RPN2: variants seen among roughly 807,000 people sequenced by gnomAD.
The protein encoded by RPN2 is dolichyl-diphosphooligosaccharide--protein glycosyltransferase subunit 2.
Under a neutral mutation model 71.4 loss-of-function variants are expected in RPN2, and 29 were observed. The observed-to-expected ratio is 0.41, with a 90% CI of 0.30 to 0.55. The LOEUF (loss-of-function observed/expected upper bound fraction) is 0.55. Ranked by LOEUF, RPN2 falls within the 20% of genes least tolerant of loss-of-function variation. The pLI, the probability that RPN2 is intolerant of heterozygous loss-of-function variation, is 0.35. For missense variants in RPN2, 726 were observed against 774.1 expected (o/e 0.94, Z 0.74); for synonymous variants, 308 against 305.0 (o/e 1.01, Z -0.10).
chr20:37,182,151 T>C, intron 1 of RPN2, among the ~76,000 whole-genome samples: 1 of 152,156 alleles, frequency 6.6e-6, no homozygotes, highest in African/African-American at 2.4e-5. Flanking sequence ...TGGAGTGCAG[T>C]GGTGCGATCT....
chr20:37,215,439 A>G (rs946052848), intron 9 of RPN2, among the ~76,000 whole-genome samples: 4 of 152,206 alleles, frequency 2.6e-5, no homozygotes, highest in African/African-American at 9.6e-5. Flanking sequence ...GTATGCCTTG[A>G]TCCTTTCAAA....
intron 9 of RPN2, among the ~76,000 whole-genome samples, chr20:37,219,216 G>T (rs998572681): frequency 1.3e-5 from 2 of 152,166 alleles, no homozygotes; most frequent in African/African-American, 4.8e-5. Context: ...CGCCATCGTA[G>T]TGGGTATAAA....
At position 37,230,072 on chromosome 20, in the gene RPN2, G is replaced by T. The variant is rs2068197942; in HGVS notation, c.1581+13G>T. On this transcript the variant is annotated intron_variant, in intron 13 of 16. Coordinates refer to ENST00000237530, the MANE Select transcript of RPN2 (RefSeq NM_002951.5). ...ACAGGAAATTCAGGTATATCCCAAA[G>T]GGCCTATCCACTAAACGTGGGAGAA... 4 of 1,601,272 alleles carry T rather than the reference G, an allele frequency of 2.5e-6. No individual in the cohort carries two copies. Among genetic ancestry groups the T allele is most frequent in the Non-Finnish European group, 8.6e-7 (1 of 1,168,370 alleles).
intron 2 of RPN2, among the ~76,000 whole-genome samples, chr20:37,196,950 A>G (rs1358223794): frequency 2.0e-5 from 3 of 152,050 alleles, no homozygotes; most frequent in Admixed American, 6.6e-5. Context: ...AGCACTTGAG[A>G]GGGTGGATAC....
chr20:37,225,489 T>C (rs112734708), intron 10 of RPN2, among the ~76,000 whole-genome samples, 199 bp from the exon 11 acceptor site: 10 of 152,208 alleles, frequency 6.6e-5, no homozygotes, highest in Non-Finnish European at 1.0e-4. Flanking sequence ...GGAAGTTTAT[T>C]CTGCACTTTT....
rs1033405701 is a variant in RPN2, at chr20:37,215,629, T to C, written c.1092+1764T>C. Reference sequence around the variant, plus strand: ...ACAGTTCTTAACCCCTTCCTTTCTTTTCACTTCTACCTTCTAGTCAGTTAC... The same window carrying C: ...ACAGTTCTTAACCCCTTCCTTTCTTCTCACTTCTACCTTCTAGTCAGTTAC... On this transcript the variant is annotated intron_variant, in intron 9 of 16. Transcript: ENST00000237530. 2.6e-5 allele frequency among the ~76,000 whole-genome samples: 4 copies of C among 152,298 alleles called. No individual in the cohort carries two copies. The East Asian group carries it at 7.7e-4, about 29-fold the overall frequency.
At chr20:37,191,637 G>A (rs1413904743) in intron 2 of RPN2, among the ~76,000 whole-genome samples, 2 of 151,892 alleles carry the variant, frequency 1.3e-5, no homozygotes, top group Non-Finnish European at 2.9e-5. Context: ...GCGTGGTGGC[G>A]GGTGCCTGTA....
chr20:37,179,974 C>T (rs991858907), intron 1 of RPN2, among the ~76,000 whole-genome samples: 4 of 152,166 alleles, frequency 2.6e-5, no homozygotes, highest in African/African-American at 7.2e-5. Flanking sequence ...TTATCTGCCT[C>T]GTTGAGTTGC....
intron 15 of RPN2, 139 bp downstream of exon 15, chr20:37,234,234 T>C: frequency 1.2e-6 from 1 of 846,986 alleles, no homozygotes; most frequent in Non-Finnish European, 1.9e-6. Flanking sequence ...CTCCTGGCCT[T>C]TTAGGACAGT....
intron 15 of RPN2, among the ~76,000 whole-genome samples, chr20:37,236,286 T>G (rs1780766761): frequency 1.3e-5 from 2 of 152,000 alleles, no homozygotes; most frequent in South Asian, 2.1e-4. Context: ...AGACACGAGG[T>G]CTCACTGTGT....
In RPN2 at chr20:37,241,416, TAAAAAAG is replaced by T. The variant is rs1483344556; in HGVS notation, c.*109_*115del. Reference sequence around the variant, plus strand: ...AAAAATGGAAAAAAAAAACTTTATTTAAAAAAGAAAAAAGTCCAGATTGTAGTTATAC... The same window carrying T: ...AAAAATGGAAAAAAAAAACTTTATTTAAAAAAGTCCAGATTGTAGTTATAC... On this transcript the variant is annotated 3_prime_UTR_variant, in exon 17 of 17. Transcript: ENST00000237530. The T allele has an allele frequency of 1.4e-6, 2 of 1,408,102 alleles. No individual in the cohort carries two copies. Among genetic ancestry groups the T allele is most frequent in the Non-Finnish European group, 1.9e-6 (2 of 1,026,884 alleles). The allele number at this position is 1,408,102 out of a possible 1,614,324, so 87.2% of individuals were successfully genotyped here.
intron 9 of RPN2, among the ~76,000 whole-genome samples, chr20:37,217,304 T>TTATTATTATTATTC (rs564725876): frequency 2.2e-4 from 32 of 144,142 alleles, no homozygotes; most frequent in African/African-American, 7.7e-4. Context: ...TATTATTCTT[T>TTATTATTATTATTC]TTTTTTTGAA....
At chr20:37,186,204 A>C (rs117883823) in intron 2 of RPN2, among the ~76,000 whole-genome samples, 1,593 of 152,320 alleles carry the variant, frequency 0.01, 11 homozygotes, top group Non-Finnish European at 0.016. Flanking sequence ...ATAATCTCTG[A>C]ATTGTAAGGT....
intron 1 of RPN2, among the ~76,000 whole-genome samples, chr20:37,182,833 G>A (rs1015694296): frequency 6.6e-6 from 1 of 152,202 alleles, no homozygotes; most frequent in Non-Finnish European, 1.5e-5. Context: ...TTATCAAGAA[G>A]CAGCCCATTC....
In RPN2 at chr20:37,184,353, G is replaced by A. The variant is rs141759462; in HGVS notation, c.187G>A (p.Ala63Thr). Reference sequence around the variant, plus strand: ...CATCGTGGGACTCAGCAGCCTTGGTGCTCAGGTGCCAGATGCAAAGGTAAG... The same window carrying A: ...CATCGTGGGACTCAGCAGCCTTGGTACTCAGGTGCCAGATGCAAAGGTAAG... The part of the protein sequence containing the change: ...YSIVGLSSLG[A>T]QVPDAKKACT... The change falls in exon 2 of 17, where the codon GCT becomes ACT. Residue 63 changes from alanine (A) to threonine (T), a missense_variant. Coordinates refer to ENST00000237530, the MANE Select transcript of RPN2 (RefSeq NM_002951.5). 18 of 1,614,064 alleles carry A rather than the reference G, an allele frequency of 1.1e-5. No homozygotes were observed. Among genetic ancestry groups the A allele is most frequent in the South Asian group, 3.3e-5 (3 of 91,084 alleles).
intron 7 of RPN2, among the ~76,000 whole-genome samples, chr20:37,209,066 G>A (rs889336815): frequency 4.6e-5 from 7 of 152,292 alleles, no homozygotes; most frequent in African/African-American, 1.7e-4. Context: ...TTAAATAGAT[G>A]GTTTGAGTCC....
At chr20:37,231,938 C>G (rs1205694351) in intron 13 of RPN2, among the ~76,000 whole-genome samples, 1 of 152,204 alleles carries the variant, frequency 6.6e-6, no homozygotes, top group African/African-American at 2.4e-5. Context: ...CGTCCTGCCT[C>G]AGTCCTGTCA....
chr20:37,191,685 AAAAG>A (rs978483564), intron 2 of RPN2, among the ~76,000 whole-genome samples: 6 of 151,630 alleles, frequency 4.0e-5, no homozygotes, highest in Admixed American at 2.0e-4. Flanking sequence ...ACTCTGTCTC[AAAAG>A]AAAGAAAGAG....
chr20:37,240,128 T>C (rs2068514534), intron 16 of RPN2, among the ~76,000 whole-genome samples: 1 of 152,204 alleles, frequency 6.6e-6, no homozygotes, highest in Non-Finnish European at 1.5e-5. Flanking sequence ...GAAAGTCACT[T>C]GATCATTTGG....
Sources: allele counts gnomAD v4.1 joint callset (sites outside exome capture counted in the v4.1 genomes callset), GRCh38; gene constraint gnomAD v4.1.1; transcripts MANE v1.5; gene names NCBI Gene and HGNC (gene_info 2026-07-23, HGNC 2026-07-21).